The following CREBBP variants were observed in gnomAD, a reference collection of about 807,000 sequenced individuals.
The protein encoded by CREBBP is CREB-binding protein.
A neutral mutation model predicts 265.0 loss-of-function variants in CREBBP; 19 were observed. That is an observed-to-expected ratio of 0.07 (90% CI 0.05 to 0.11). The LOEUF (loss-of-function observed/expected upper bound fraction) is 0.11. Among genes scored for constraint, CREBBP ranks in the 10% least tolerant of loss-of-function variants. The probability of loss-of-function intolerance (pLI) is 1.00; values close to 1 mark genes in which losing one functional copy is unlikely to be tolerated. For synonymous variants in CREBBP, 1,457 were observed against 1,223.7 expected (o/e 1.19, Z -3.98); for missense variants, 2,525 against 3,219.0 (o/e 0.78, Z 5.22).
chr16:3,771,620 T>C (rs559147479), intron 13 of CREBBP, among the ~76,000 whole-genome samples: 3 of 152,126 alleles, frequency 2.0e-5, no homozygotes, highest in Non-Finnish European at 4.4e-5. Flanking sequence ...CGGATAGTAC[T>C]GAACCCAATA....
chr16:3,858,496 G>T (rs1050886505), intron 1 of CREBBP, among the ~76,000 whole-genome samples: 1 of 152,148 alleles, frequency 6.6e-6, no homozygotes, highest in South Asian at 2.1e-4. Context: ...ACGTTATAAC[G>T]TGCGTGGGGC....
intron 16 of CREBBP, among the ~76,000 whole-genome samples, chr16:3,759,754 C>A (rs1460858748): frequency 6.6e-6 from 1 of 152,114 alleles, no homozygotes; most frequent in Non-Finnish European, 1.5e-5. Context: ...TAAAAAGTTC[C>A]ATATTGCTTA....
At chr16:3,834,462 T>A (rs999756136) in intron 2 of CREBBP, among the ~76,000 whole-genome samples, 1 of 152,128 alleles carries the variant, frequency 6.6e-6, no homozygotes, top group South Asian at 2.1e-4. Flanking sequence ...ACACACTGTG[T>A]GACTGTAACT....
intron 1 of CREBBP, among the ~76,000 whole-genome samples, chr16:3,874,897 G>C (rs1191964137): frequency 6.6e-6 from 1 of 152,212 alleles, no homozygotes; most frequent in Non-Finnish European, 1.5e-5. Flanking sequence ...AAACTAAACT[G>C]ACAAGCTTTT....
intron 1 of CREBBP, among the ~76,000 whole-genome samples, chr16:3,877,214 C>T (rs981418395): frequency 6.6e-6 from 1 of 152,172 alleles, no homozygotes; most frequent in African/African-American, 2.4e-5. Flanking sequence ...AGACACATCC[C>T]GTCACTAAAA....
chr16:3,784,418 G>C (rs2053341351), intron 5 of CREBBP: 2 of 152,194 alleles, frequency 1.3e-5, no homozygotes, highest in African/African-American at 4.8e-5. Context: ...TTTATGACAA[G>C]TGTGTAGCTG....
chr16:3,780,550 G>A lies in CREBBP; in HGVS notation c.1823+182C>T, dbSNP rs144665100. ...GCTCTCTTTGTCACCCCCGCTCACC[G>A]AGGACATAGAGTGTGGGAATCTCTG... On this transcript the variant is annotated intron_variant, in intron 8 of 30. Coordinates refer to ENST00000262367, the MANE Select transcript of CREBBP (RefSeq NM_004380.3). Among the ~76,000 whole-genome samples, 102 of 152,276 alleles carry A rather than the reference G, an allele frequency of 6.7e-4. 1 individual carries two copies. Among genetic ancestry groups the A allele is most frequent in the Non-Finnish European group, 1.1e-3 (75 of 68,018 alleles).
At chr16:3,742,447 T>C (rs1241979606) in intron 23 of CREBBP, 2 of 152,238 alleles carry the variant, frequency 1.3e-5, no homozygotes, top group African/African-American at 4.8e-5. Flanking sequence ...AATGAACACT[T>C]TAAATTGTGC....
chr16:3,778,060 C>A lies in CREBBP; in HGVS notation c.2064G>T (p.Pro688=), dbSNP rs766050154. 7 of 1,614,100 alleles carry A rather than the reference C, an allele frequency of 4.3e-6. No homozygotes were observed. The highest frequency in any genetic ancestry group is 5.9e-6 in the Non-Finnish European group (7 of 1,180,052). The change falls in exon 10 of 31, where the codon CCG becomes CCT. Residue 688 remains proline, a synonymous_variant. Transcript: ENST00000262367. ...ILGNQPALPA[P]GAQPPVIPQA... is the part of the protein sequence containing the mutation. ...GTGGAATCACAGGGGGCTGAGCCCCCGGGGCTGGTAAGGCTGGCTGGTTCC... is the reference window on the plus strand; with the variant it reads ...GTGGAATCACAGGGGGCTGAGCCCCAGGGGCTGGTAAGGCTGGCTGGTTCC...
Position 3,757,851 on chromosome 16 carries a change from A to G in CREBBP, c.3567T>C (p.Ile1189=). Residue 1189 remains isoleucine, a synonymous_variant, in exon 18 of 31, where the codon ATT becomes ATC. Coordinates refer to ENST00000262367, the MANE Select transcript of CREBBP (RefSeq NM_004380.3). ...SKLAEVFEQE[I]DPVMQSLGYC... is the part of the protein sequence containing the mutation. The stretch of plus-strand genomic sequence containing the variant: ...ATCCAAGGGACTGCATGACAGGGTC[A>G]ATTTCCTGCTCAAAGACCTCTGCAA... The G allele has an allele frequency of 1.2e-6, 2 of 1,614,190 alleles. No homozygotes were observed. Among genetic ancestry groups the G allele is most frequent in the Non-Finnish European group, 1.7e-6 (2 of 1,180,036 alleles).
chr16:3,870,221 C>G (rs998541115), intron 1 of CREBBP, among the ~76,000 whole-genome samples: 2 of 152,048 alleles, frequency 1.3e-5, no homozygotes, highest in African/African-American at 4.8e-5. Context: ...ACTATAGAAT[C>G]TGCAGGAGGA....
At chr16:3,878,804 A>C (rs1288286076) in intron 1 of CREBBP, among the ~76,000 whole-genome samples, 31 of 152,220 alleles carry the variant, frequency 2.0e-4, no homozygotes. Flanking sequence ...TTTGCGGCAA[A>C]GGAGAGAGCT....
intron 23 of CREBBP, 38 bp from the exon 24 acceptor site, chr16:3,740,587 C>G: frequency 6.2e-7 from 1 of 1,613,334 alleles, no homozygotes; most frequent in South Asian, 1.1e-5. Flanking sequence ...AGGGCTTCAA[C>G]AGCACTGCTG....
At chr16:3,799,349 T>C (rs1328374597) in intron 3 of CREBBP, among the ~76,000 whole-genome samples, 1 of 152,220 alleles carries the variant, frequency 6.6e-6, no homozygotes, top group African/African-American at 2.4e-5. Flanking sequence ...AAAAAGTTCT[T>C]ACTAATCACT....
chr16:3,780,289 TA>T (rs2053243316), intron 8 of CREBBP, among the ~76,000 whole-genome samples: 1 of 151,688 alleles, frequency 6.6e-6, no homozygotes, highest in Admixed American at 6.6e-5. Flanking sequence ...TCCGTTATGT[TA>T]ACTAACTGTA....
At chr16:3,871,922 G>A (rs2055308166) in intron 1 of CREBBP, among the ~76,000 whole-genome samples, 1 of 152,328 alleles carries the variant, frequency 6.6e-6, no homozygotes. Context: ...AACAATAGCA[G>A]ACAGTACAAC....
intron 13 of CREBBP, among the ~76,000 whole-genome samples, chr16:3,773,182 T>C (rs943117127): frequency 2.6e-5 from 4 of 152,106 alleles, no homozygotes; most frequent in African/African-American, 9.7e-5. Context: ...TTGTATACAG[T>C]AGCAATGATA....
chr16:3,827,951 C>T (rs753578922), intron 2 of CREBBP, among the ~76,000 whole-genome samples: 4 of 152,188 alleles, frequency 2.6e-5, no homozygotes, highest in East Asian at 3.9e-4. Flanking sequence ...CTCAACCTCC[C>T]AAAGTGTTGG....
At chr16:3,868,001 G>A (rs922818409) in intron 1 of CREBBP, among the ~76,000 whole-genome samples, 8 of 152,134 alleles carry the variant, frequency 5.3e-5, no homozygotes, top group African/African-American at 1.7e-4. Context: ...ACAGCTCTGA[G>A]ATATGTATCA....
Sources: gnomAD v4.1 joint callset for allele counts (sites outside exome capture counted in the v4.1 genomes callset) on GRCh38, gnomAD v4.1.1 for gene constraint, MANE v1.5 for transcripts, NCBI Gene and HGNC (gene_info 2026-07-23, HGNC 2026-07-21) for gene names.